Variants in MCM5 observed in about 807,000 individuals in gnomAD.
MCM5 encodes the protein minichromosome maintenance complex component 5.
In MCM5, 46 loss-of-function variants were observed where a neutral mutation model predicts 79.9. The ratio of observed to expected loss-of-function variants is 0.58; its 90% CI spans 0.45 to 0.74. The LOEUF is 0.74. Among genes scored for constraint, MCM5 ranks in the 30% least tolerant of loss-of-function variants. The probability of loss-of-function intolerance (pLI) is 0.00; values close to 1 mark genes in which losing one functional copy is unlikely to be tolerated. For missense variants in MCM5, 883 were observed against 1,017.0 expected, an observed-to-expected ratio of 0.87 and a Z score of 1.79; for synonymous variants, 404 against 390.5, an observed-to-expected ratio of 1.03 and a Z score of -0.41.
chr22:35,407,746 A>G (rs1932259170), intron 5 of MCM5, among the ~76,000 whole-genome samples: 1 of 152,100 alleles, frequency 6.6e-6, no homozygotes, highest in South Asian at 2.1e-4. Context: ...TCTCTCCCAC[A>G]CCTGCCTACT....
chr22:35,431,461 G>A, the MCM5 span, among the ~76,000 whole-genome samples: 5 of 152,120 alleles, frequency 3.3e-5, no homozygotes, highest in South Asian at 2.1e-4. Flanking sequence ...AAATATACAC[G>A]TGTATTATTT....
At chr22:35,410,969 T>C (rs1601756497) in intron 7 of MCM5, 59 bp downstream of exon 7, 4 of 1,494,084 alleles carry the variant, frequency 2.7e-6, no homozygotes, top group Non-Finnish European at 3.6e-6. Flanking sequence ...TGCATACTTC[T>C]GGTAACAGGC....
At chr22:35,410,364 G>C in intron 6 of MCM5, 1 of 271,146 alleles carries the variant, frequency 3.7e-6, no homozygotes, top group Non-Finnish European at 7.5e-6. Context: ...GCCCTGAGAG[G>C]CTAAAGGGCA....
Position 35,408,470 on chromosome 22 carries a change from A to G in MCM5, c.659A>G (p.Lys220Arg), listed in dbSNP as rs768739687. The stretch of plus-strand genomic sequence containing the variant: ...TACTTCATCATGCCCGACAAATGCA[A>G]ATGCGTGGACTTCCAGACCCTGAAG... Reference protein sequence around the residue: ...DPYFIMPDKCKCVDFQTLKLQ... With the variant: ...DPYFIMPDKCRCVDFQTLKLQ... The change falls in exon 6 of 17, where the codon AAA (lysine) becomes AGA (arginine). Residue 220 changes from lysine (K) to arginine (R), a missense_variant. Physicochemically the swap from Lys to Arg is conservative, Grantham distance 26. Transcript: ENST00000216122. 2 of 1,614,208 alleles carry G rather than the reference A, an allele frequency of 1.2e-6. No homozygotes were observed. Among genetic ancestry groups the G allele is most frequent in the South Asian group, 1.1e-5 (1 of 91,086 alleles).
chr22:35,425,956 C>T (rs1383072668), downstream of MCM5, among the ~76,000 whole-genome samples: 2 of 152,158 alleles, frequency 1.3e-5, no homozygotes, highest in Admixed American at 1.3e-4. Context: ...TGGCTCCGAA[C>T]TCCACCCATG....
At position 35,400,319 on chromosome 22, in the gene MCM5, G is replaced by A. The variant is rs1601749180; in HGVS notation, c.-9+111G>A. On this transcript the variant is annotated intron_variant, in intron 1 of 16. Coordinates refer to ENST00000216122, the MANE Select transcript of MCM5 (RefSeq NM_006739.4). ...CGGGAACTGGGGTTGGAGTCCGGGA[G>A]CGCGGCCGGGGGTCCCCCTGCTCCG... 5 of 1,181,956 alleles carry A rather than the reference G, an allele frequency of 4.2e-6. 1 individual carries two copies. The Admixed American group carries it at 9.1e-5, about 21-fold the overall frequency. 73.2% of individuals were successfully genotyped at this position (1,181,956 alleles called of 1,614,324 possible).
rs4645785 is a variant in MCM5 at position 35,413,286 on chromosome 22, C to T, written c.1092-589C>T. The stretch of plus-strand genomic sequence containing the variant: ...GTCTCGATCTCCTGACCTCGTGATC[C>T]GCCCGCCTCGGCCTCCCAAAGTGCT... On this transcript the variant is annotated intron_variant, in intron 8 of 16. Coordinates refer to ENST00000216122, the MANE Select transcript of MCM5 (RefSeq NM_006739.4). Among the ~76,000 whole-genome samples, 536 of 152,282 alleles carry T rather than the reference C, an allele frequency of 3.5e-3. 19 individuals are homozygous for T. The highest frequency in any genetic ancestry group is 0.032 in the Admixed American group (496 of 15,308).
In MCM5 at chr22:35,408,489, C is replaced by G. The variant is rs765843467; in HGVS notation, c.678C>G (p.Thr226=). 1.2e-6 allele frequency: 2 copies of G among 1,614,074 alleles called. No individual in the cohort carries two copies. Among genetic ancestry groups the G allele is most frequent in the Non-Finnish European group, 1.7e-6 (2 of 1,180,028 alleles). ...AATGCAAATGCGTGGACTTCCAGACCCTGAAGCTGCAGGAGCTGCCTGATG... is the reference window on the plus strand; with the variant it reads ...AATGCAAATGCGTGGACTTCCAGACGCTGAAGCTGCAGGAGCTGCCTGATG... ...PDKCKCVDFQ[T]LKLQELPDAV... The change falls in exon 6 of 17, where the codon ACC becomes ACG. Residue 226 remains threonine (T), a synonymous_variant. Transcript: ENST00000216122.
At chr22:35,443,171 G>C in the MCM5 span, among the ~76,000 whole-genome samples, 32 of 152,210 alleles carry the variant, frequency 2.1e-4, no homozygotes, top group South Asian at 6.4e-3. Context: ...TGAGTGAGGC[G>C]AGCAAGGTGC....
At chr22:35,436,101 A>G in the MCM5 span, among the ~76,000 whole-genome samples, 1 of 143,256 alleles carries the variant, frequency 7.0e-6, no homozygotes, top group African/African-American at 2.7e-5. Context: ...TGGGAAGCAG[A>G]GGTTGTGAAC....
the MCM5 span, among the ~76,000 whole-genome samples, chr22:35,431,575 G>C: frequency 1.3e-5 from 2 of 152,180 alleles, no homozygotes; most frequent in East Asian, 3.9e-4. Context: ...ATAGTTTCTC[G>C]GGTCTTGTCT....
intron 2 of MCM5, among the ~76,000 whole-genome samples, chr22:35,402,571 T>C (rs2145781665): frequency 6.6e-6 from 1 of 152,020 alleles, no homozygotes; most frequent in Middle Eastern, 3.4e-3. Flanking sequence ...TTTTTTTTTT[T>C]GAGACAGAGT....
intron 4 of MCM5, among the ~76,000 whole-genome samples, chr22:35,404,772 C>G (rs1358092161): frequency 1.3e-5 from 2 of 152,170 alleles, no homozygotes; most frequent in African/African-American, 4.8e-5. Context: ...ATGTCTGGTT[C>G]TCTCGTTCAG....
the MCM5 span, among the ~76,000 whole-genome samples, chr22:35,452,869 G>A: frequency 1.3e-5 from 2 of 152,244 alleles, no homozygotes; most frequent in African/African-American, 4.8e-5. Flanking sequence ...TGTCCCGTCC[G>A]CCTTGCATGT....
chr22:35,445,807 G>A, the MCM5 span, among the ~76,000 whole-genome samples: 28 of 152,176 alleles, frequency 1.8e-4, no homozygotes, highest in Admixed American at 9.2e-4. Context: ...CACCACACTC[G>A]GCCCTGCATT....
chr22:35,441,486 C>G, the MCM5 span, among the ~76,000 whole-genome samples: 3 of 152,202 alleles, frequency 2.0e-5, no homozygotes, highest in Non-Finnish European at 2.9e-5. Context: ...CCTATTATCC[C>G]TCACACAGCC....
the MCM5 span, among the ~76,000 whole-genome samples, chr22:35,430,600 T>A: frequency 2.0e-5 from 3 of 151,838 alleles, no homozygotes; most frequent in Non-Finnish European, 4.4e-5. Context: ...CCTGCCAGTT[T>A]CAAGCAATTC....
chr22:35,436,307 C>G, the MCM5 span, among the ~76,000 whole-genome samples: 1 of 152,154 alleles, frequency 6.6e-6, no homozygotes, highest in Non-Finnish European at 1.5e-5. Flanking sequence ...CCGCATGGGC[C>G]CCAGAGGCTT....
rs713618 is a variant in MCM5, at chr22:35,403,549, C to T, written c.423+7C>T. On this transcript the variant is annotated splice_region_variant and intron_variant, in intron 4 of 16. Transcript: ENST00000216122. ...CAGCATTCGTAGCCTGAAGGTGGGT[C>T]GGAGGGCAGTGGCTGCTGCATGGTG... The T allele has an allele frequency of 0.56, 907,109 of 1,612,124 alleles. 258,913 individuals carry two copies. The highest frequency in any genetic ancestry group is 0.59 in the Non-Finnish European group (692,723 of 1,179,866).
Sources: allele counts gnomAD v4.1 joint callset (sites outside exome capture counted in the v4.1 genomes callset), GRCh38; gene constraint gnomAD v4.1.1; transcripts MANE v1.5; gene names NCBI Gene and HGNC (gene_info 2026-07-23, HGNC 2026-07-21).